The following CTNNA3 variants were observed in gnomAD, a reference collection of about 807,000 sequenced individuals.
CTNNA3 encodes catenin alpha-3.
A neutral mutation model predicts 95.7 loss-of-function variants in CTNNA3; 76 were observed. The observed-to-expected ratio is 0.79, with a 90% CI of 0.66 to 0.96. CTNNA3 has a LOEUF of 0.96. Ranked by LOEUF, CTNNA3 falls within the 40% of genes least tolerant of loss-of-function variation. CTNNA3 has a pLI of 0.00. For missense variants in CTNNA3, 1,191 were observed against 1,089.8 expected, an observed-to-expected ratio of 1.09 and a Z score of -1.31; for synonymous variants, 431 against 374.4, an observed-to-expected ratio of 1.15 and a Z score of -1.74.
chr10:65,953,270 T>C (rs752048630), intron 17 of CTNNA3, among the ~76,000 whole-genome samples: 1 of 152,150 alleles, frequency 6.6e-6, no homozygotes, highest in Admixed American at 6.5e-5. Flanking sequence ...AGAGTTATAT[T>C]TTTTATTCTA....
intron 5 of CTNNA3, among the ~76,000 whole-genome samples, chr10:67,470,966 A>G (rs1283234873): frequency 6.6e-6 from 1 of 151,128 alleles, no homozygotes; most frequent in East Asian, 1.9e-4. Flanking sequence ...TTTTTTATTT[A>G]TTTATTTATT....
intron 9 of CTNNA3, among the ~76,000 whole-genome samples, chr10:66,752,833 C>G (rs1231945689): frequency 6.6e-6 from 1 of 151,752 alleles, no homozygotes; most frequent in African/African-American, 2.4e-5. Flanking sequence ...ATAGAAAATC[C>G]TAAGGAAGAC....
At chr10:67,257,807 T>A (rs1169469277) in intron 5 of CTNNA3, among the ~76,000 whole-genome samples, 1 of 152,202 alleles carries the variant, frequency 6.6e-6, no homozygotes, top group African/African-American at 2.4e-5. Flanking sequence ...GAATAAAGAA[T>A]TGAGGTTTTG....
intron 5 of CTNNA3, among the ~76,000 whole-genome samples, chr10:67,221,487 T>C (rs1432534357): frequency 6.6e-6 from 1 of 152,240 alleles, no homozygotes; most frequent in Non-Finnish European, 1.5e-5. Flanking sequence ...GATGGTGGTA[T>C]TTCTTGTATT....
chr10:66,772,231 C>T (rs189458708), intron 8 of CTNNA3, among the ~76,000 whole-genome samples: 222 of 152,094 alleles, frequency 1.5e-3, no homozygotes, highest in African/African-American at 4.8e-3. Flanking sequence ...CGAGACCAGC[C>T]TGGCCAACAT....
chr10:67,207,205 A>G (rs995946191), intron 6 of CTNNA3, among the ~76,000 whole-genome samples: 1 of 152,222 alleles, frequency 6.6e-6, no homozygotes, highest in African/African-American at 2.4e-5. Flanking sequence ...AATTCCATTG[A>G]CAGATATAAT....
At chr10:66,214,396 T>C (rs2088376753) in intron 13 of CTNNA3, among the ~76,000 whole-genome samples, 1 of 152,200 alleles carries the variant, frequency 6.6e-6, no homozygotes, top group Non-Finnish European at 1.5e-5. Flanking sequence ...CAAAAAATTT[T>C]AGTTAAGTAT....
intron 13 of CTNNA3, among the ~76,000 whole-genome samples, chr10:66,138,681 A>T (rs771128875): frequency 8.5e-5 from 13 of 152,170 alleles, no homozygotes; most frequent in Non-Finnish European, 1.0e-4. Flanking sequence ...CTAAAAATAC[A>T]AAATACAAAA....
intron 14 of CTNNA3, among the ~76,000 whole-genome samples, chr10:66,099,700 C>A (rs1191376354): frequency 3.9e-5 from 6 of 152,120 alleles, no homozygotes; most frequent in Non-Finnish European, 5.9e-5. Context: ...AAAATAATTT[C>A]TCTTCAAAAT....
chr10:66,195,968 T>C (rs762069901), intron 13 of CTNNA3, among the ~76,000 whole-genome samples: 7 of 152,130 alleles, frequency 4.6e-5, no homozygotes, highest in Admixed American at 2.0e-4. Context: ...TACACACACA[T>C]ACACACACAA....
intron 13 of CTNNA3, among the ~76,000 whole-genome samples, chr10:66,261,006 G>C (rs113342562): frequency 4.6e-5 from 7 of 152,132 alleles, no homozygotes; most frequent in African/African-American, 1.7e-4. Context: ...GTAATTTTAA[G>C]TTATTTGTTT....
At chr10:66,606,782 G>C (rs193046533) in intron 10 of CTNNA3, among the ~76,000 whole-genome samples, 1 of 152,104 alleles carries the variant, frequency 6.6e-6, no homozygotes, top group Non-Finnish European at 1.5e-5. Flanking sequence ...ACAGTATTAA[G>C]AGGACAATTT....
chr10:67,199,221 C>A (rs1473655802), intron 6 of CTNNA3, among the ~76,000 whole-genome samples: 1 of 152,124 alleles, frequency 6.6e-6, no homozygotes, highest in Non-Finnish European at 1.5e-5. Flanking sequence ...AACCAATACG[C>A]TTCTGTGTTT....
intron 17 of CTNNA3, among the ~76,000 whole-genome samples, chr10:65,935,953 G>A (rs890919451): frequency 7.2e-5 from 11 of 152,136 alleles, no homozygotes; most frequent in African/African-American, 2.7e-4. Context: ...CTGTGGAATA[G>A]ACAGTCAAGA....
chr10:66,696,306 C>A (rs1369363465), intron 9 of CTNNA3, among the ~76,000 whole-genome samples: 2 of 152,146 alleles, frequency 1.3e-5, no homozygotes, highest in African/African-American at 2.4e-5. Flanking sequence ...TTTACTTCAT[C>A]ATTTTCCAGC....
intron 1 of CTNNA3, chr10:67,750,620 C>A: frequency 1.3e-6 from 2 of 1,547,646 alleles, no homozygotes; most frequent in Non-Finnish European, 1.8e-6. Flanking sequence ...TATTCACTAG[C>A]ACAGGGATAC....
chr10:67,743,217 A>G (rs1841353148), intron 1 of CTNNA3, among the ~76,000 whole-genome samples: 1 of 151,294 alleles, frequency 6.6e-6, no homozygotes, highest in Non-Finnish European at 1.5e-5. Context: ...ATTTTAGACC[A>G]ATATCCTTGA....
intron 1 of CTNNA3, among the ~76,000 whole-genome samples, chr10:67,688,306 C>G (rs1489241350): frequency 1.3e-5 from 2 of 151,892 alleles, no homozygotes; most frequent in Non-Finnish European, 2.9e-5. Flanking sequence ...TTGGAGATTT[C>G]TTTGTTTGTT....
chr10:66,648,103 G>A (rs2894011), intron 9 of CTNNA3, among the ~76,000 whole-genome samples: 100,756 of 151,870 alleles, frequency 0.66, 34,313 homozygotes, highest in East Asian at 0.95. Context: ...CATCCCATTG[G>A]CCCTGCTTTT....
Sources: allele counts gnomAD v4.1 joint callset (sites outside exome capture counted in the v4.1 genomes callset), GRCh38; gene constraint gnomAD v4.1.1; transcripts MANE v1.5; gene names NCBI Gene and HGNC (gene_info 2026-07-23, HGNC 2026-07-21).